RNF6: variants seen among roughly 807,000 people sequenced by gnomAD.
RNF6 encodes the protein ring finger protein 6.
RNF6 carries 21 observed loss-of-function variants against 50.1 expected under a neutral mutation model. The ratio of observed to expected loss-of-function variants is 0.42; its 90% CI spans 0.30 to 0.60. RNF6 has a LOEUF of 0.60. Among genes scored for constraint, RNF6 ranks in the 20% least tolerant of loss-of-function variants. The pLI is 0.20. For missense variants in RNF6, 698 were observed against 838.2 expected (o/e 0.83, Z 2.07); for synonymous variants, 255 against 291.8 (o/e 0.87, Z 1.29).
At chr13:26,221,716 G>A (rs1185745985) in intron 1 of RNF6, 1 of 152,152 alleles carries the variant, frequency 6.6e-6, no homozygotes, top group Non-Finnish European at 1.5e-5. Context: ...CCGTTGCGAC[G>A]GAAGCTCGCG....
intron 5 of RNF6, among the ~76,000 whole-genome samples, chr13:26,146,940 T>G (rs1276701080): frequency 2.0e-5 from 3 of 152,144 alleles, no homozygotes; most frequent in Non-Finnish European, 4.4e-5. Flanking sequence ...TTGTTTGAAA[T>G]GCACCATGAT....
rs776378212 is a variant in RNF6 at position 26,214,971 on chromosome 13, C to T, written c.911G>A (p.Arg304Gln). The T allele has an allele frequency of 4.3e-6, 7 of 1,614,188 alleles. No homozygotes were observed. The highest frequency in any genetic ancestry group is 1.7e-5 in the Admixed American group (1 of 60,008). ...TNQRLEPIRL[R>Q]STSNSRSRSP... ...ACGGCTTCGACTATTGGAAGTAGAT[C>T]GTAATCTTATTGGCTCTAATCTTTG... Residue 304 changes from arginine to glutamine, a missense_variant, in exon 5 of 5, where the codon CGA (arginine) becomes CAA (glutamine). Transcript: ENST00000381588.
chr13:26,155,512 A>G (rs986928968), intron 5 of RNF6, among the ~76,000 whole-genome samples: 2 of 152,156 alleles, frequency 1.3e-5, no homozygotes, highest in African/African-American at 2.4e-5. Flanking sequence ...ATTCTACAAC[A>G]TCATATGAGT....
chr13:26,195,927 C>T (rs1257131866), intron 5 of RNF6, among the ~76,000 whole-genome samples: 3 of 152,036 alleles, frequency 2.0e-5, no homozygotes, highest in Non-Finnish European at 4.4e-5. Flanking sequence ...TCATCAGCAT[C>T]GTAATGAGAT....
chr13:26,168,945 A>G (rs1330862423), intron 5 of RNF6, among the ~76,000 whole-genome samples: 2 of 152,172 alleles, frequency 1.3e-5, no homozygotes, highest in Admixed American at 6.5e-5. Context: ...CAAGGCTGCA[A>G]TGAGCCATGA....
chr13:26,217,638 T>C (rs1870031184), intron 4 of RNF6, among the ~76,000 whole-genome samples: 2 of 152,254 alleles, frequency 1.3e-5, no homozygotes. Flanking sequence ...TCTGAAGTAA[T>C]GAGTATGTTC....
intron 5 of RNF6, among the ~76,000 whole-genome samples, chr13:26,138,490 TG>T (rs1309913830): frequency 6.6e-6 from 1 of 152,156 alleles, no homozygotes; most frequent in East Asian, 1.9e-4. Context: ...TGTAACTCCT[TG>T]TTTTCTCCTC....
At chr13:26,145,483 A>G (rs1425528862) in intron 5 of RNF6, among the ~76,000 whole-genome samples, 1 of 149,682 alleles carries the variant, frequency 6.7e-6, no homozygotes, top group African/African-American at 2.5e-5. Context: ...TGTTCTTGTG[A>G]TAGAGTTCTC....
chr13:26,199,844 G>A (rs1868827206), intron 5 of RNF6, among the ~76,000 whole-genome samples: 1 of 152,190 alleles, frequency 6.6e-6, no homozygotes, highest in African/African-American at 2.4e-5. Context: ...AAATTCATAT[G>A]TTGAAATCCT....
At chr13:26,138,706 T>C (rs1275742705) in intron 5 of RNF6, among the ~76,000 whole-genome samples, 1 of 152,174 alleles carries the variant, frequency 6.6e-6, no homozygotes, top group Non-Finnish European at 1.5e-5. Flanking sequence ...AAGATGCTAA[T>C]AGTAATCCCC....
intron 5 of RNF6, among the ~76,000 whole-genome samples, chr13:26,172,542 A>G (rs1030619552): frequency 2.4e-5 from 2 of 83,190 alleles, no homozygotes; most frequent in African/African-American, 3.4e-5. Flanking sequence ...CTTCTAGAAT[A>G]TATCTTTTTT....
intron 5 of RNF6, among the ~76,000 whole-genome samples, chr13:26,176,998 A>C (rs1257656206): frequency 6.6e-6 from 1 of 152,168 alleles, no homozygotes; most frequent in Non-Finnish European, 1.5e-5. Flanking sequence ...CAAAGTGGAG[A>C]ATGCCAAATG....
At chr13:26,197,780 C>CT (rs1413735381) in intron 5 of RNF6, among the ~76,000 whole-genome samples, 1 of 151,848 alleles carries the variant, frequency 6.6e-6, no homozygotes, top group African/African-American at 2.4e-5. Context: ...AATCCCAGCA[C>CT]TTTGGGAGGC....
At chr13:26,184,014 A>T (rs1487933947) in intron 5 of RNF6, among the ~76,000 whole-genome samples, 25 of 58,000 alleles carry the variant, frequency 4.3e-4, no homozygotes, top group African/African-American at 1.8e-3. Flanking sequence ...ATATATATAT[A>T]TATATTTTTT....
chr13:26,222,589 G>A (rs1870629981), upstream of RNF6: 2 of 152,414 alleles, frequency 1.3e-5, no homozygotes, highest in South Asian at 4.1e-4. Context: ...TACCCAGCCA[G>A]GCCCTTTCCC....
At chr13:26,153,560 G>T (rs1201958439) in intron 5 of RNF6, among the ~76,000 whole-genome samples, 1 of 152,126 alleles carries the variant, frequency 6.6e-6, no homozygotes, top group Non-Finnish European at 1.5e-5. Context: ...ATACCTTCTA[G>T]GTTTAGGATA....
chr13:26,213,832 T>C lies in RNF6; in HGVS notation c.2050A>G (p.Asn684Asp). Residue 684 changes from asparagine to aspartate, a missense_variant, in exon 5 of 5, where the codon AAT becomes GAT. Physicochemically the swap from Asn to Asp is conservative, Grantham distance 23. Coordinates refer to ENST00000381588, the MANE Select transcript of RNF6 (RefSeq NM_005977.4). ...GAGTAGATCCCATCACCTTACCCAT[T>C]GTTTGCTATGTTAGACCCTAAAACA... ...QPVLGSNIANNG is the reference protein window; with the variant it reads ...QPVLGSNIANDG 1.2e-6 allele frequency: 2 copies of C among 1,603,346 alleles called. No individual in the cohort carries two copies. Among genetic ancestry groups the C allele is most frequent in the Non-Finnish European group, 1.7e-6 (2 of 1,173,140 alleles).
intron 4 of RNF6, among the ~76,000 whole-genome samples, 186 bp downstream of exon 4, chr13:26,218,325 G>C (rs576774585): frequency 1.3e-5 from 2 of 152,204 alleles, no homozygotes; most frequent in African/African-American, 4.8e-5. Context: ...AGACATCTTT[G>C]CATTCATTCC....
downstream of RNF6, among the ~76,000 whole-genome samples, chr13:26,211,564 C>A (rs956838381): frequency 2.0e-5 from 3 of 152,130 alleles, no homozygotes; most frequent in African/African-American, 7.2e-5. Context: ...CCAGACTAGC[C>A]TGGCCAACAT....
Sources: gnomAD v4.1 joint callset for allele counts (sites outside exome capture counted in the v4.1 genomes callset) on GRCh38, gnomAD v4.1.1 for gene constraint, MANE v1.5 for transcripts, NCBI Gene and HGNC (gene_info 2026-07-23, HGNC 2026-07-21) for gene names.